STK17A: variants seen among roughly 807,000 people sequenced by gnomAD.
STK17A encodes serine/threonine kinase 17a, also known as serine/threonine-protein kinase 17A.
STK17A carries 26 observed loss-of-function variants against 43.7 expected under a neutral mutation model. That is an observed-to-expected ratio of 0.60 (90% CI 0.44 to 0.83). The LOEUF (loss-of-function observed/expected upper bound fraction) is 0.83, where lower values mean the gene tolerates loss of function less well. STK17A is among the 40% of genes least tolerant of loss of function. The probability of loss-of-function intolerance (pLI) is 0.00; values close to 1 mark genes in which losing one functional copy is unlikely to be tolerated. For missense variants in STK17A, 476 were observed against 511.6 expected (o/e 0.93, Z 0.67); for synonymous variants, 191 against 182.5 (o/e 1.05, Z -0.38).
intron 3 of STK17A, among the ~76,000 whole-genome samples, chr7:43,613,628 A>G (rs964212415): frequency 1.3e-5 from 2 of 152,112 alleles, no homozygotes; most frequent in Admixed American, 1.3e-4. Flanking sequence ...GGACCACATG[A>G]GCCCAGGAGT....
intron 1 of STK17A, among the ~76,000 whole-genome samples, chr7:43,594,686 G>A (rs2082502566): frequency 6.6e-6 from 1 of 152,106 alleles, no homozygotes; most frequent in African/African-American, 2.4e-5. Context: ...CAAGTACCAT[G>A]CTAAGCAATT....
intron 1 of STK17A, among the ~76,000 whole-genome samples, chr7:43,594,458 T>C (rs1251096863): frequency 1.3e-5 from 2 of 152,162 alleles, no homozygotes; most frequent in African/African-American, 4.8e-5. Flanking sequence ...GGTTTAGGCT[T>C]GTAATGAAGA....
intron 2 of STK17A, among the ~76,000 whole-genome samples, chr7:43,604,158 A>G (rs2082573834): frequency 1.3e-5 from 2 of 152,180 alleles, no homozygotes; most frequent in African/African-American, 2.4e-5. Flanking sequence ...TATTACTTAT[A>G]TGCTTTATTT....
chr7:43,619,216 T>G (rs573049751), intron 3 of STK17A, among the ~76,000 whole-genome samples: 3 of 152,310 alleles, frequency 2.0e-5, no homozygotes, highest in African/African-American at 7.2e-5. Context: ...CAGAAGAGAT[T>G]TAGTTGCACT....
In STK17A at chr7:43,619,594, T is replaced by C; in HGVS notation, c.565-3T>C. On this transcript the variant is annotated splice_polypyrimidine_tract_variant and splice_region_variant and intron_variant, in intron 3 of 6. Transcript: ENST00000319357. The stretch of plus-strand genomic sequence containing the variant: ...ATTTTTGCGGGGGTGTATTTTCTTT[T>C]AGCCTCAGAATATTCTGTTGACAAG... The C allele has an allele frequency of 6.2e-7, 1 of 1,612,208 alleles. No homozygotes were observed. The highest frequency in any genetic ancestry group is 1.1e-5 in the South Asian group (1 of 90,488).
rs1473598668 is a variant in STK17A, at chr7:43,625,328, T to G, written c.*486T>G. The G allele has an allele frequency of 1.3e-5, 2 of 152,558 alleles. No individual in the cohort carries two copies. Among genetic ancestry groups the G allele is most frequent in the African/African-American group, 2.4e-5 (1 of 41,466 alleles). The allele number at this position is 152,558 out of a possible 1,614,324, so 9.5% of individuals were successfully genotyped here. On this transcript the variant is annotated 3_prime_UTR_variant, in exon 7 of 7. Coordinates refer to ENST00000319357, the MANE Select transcript of STK17A (RefSeq NM_004760.3). ...AAACAGACATCTAAATTTTCGAGAC[T>G]TAGAATAACATTCACTAAAGTTTGA...
intron 3 of STK17A, among the ~76,000 whole-genome samples, chr7:43,617,245 A>G (rs2083440743): frequency 1.3e-5 from 2 of 152,178 alleles, no homozygotes; most frequent in Admixed American, 6.5e-5. Flanking sequence ...CCTAAGAGCA[A>G]TGGGAGGCTG....
At position 43,624,935 on chromosome 7, in the gene STK17A, G is replaced by A; in HGVS notation, c.*93G>A. On this transcript the variant is annotated 3_prime_UTR_variant, in exon 7 of 7. Transcript: ENST00000319357. The stretch of plus-strand genomic sequence containing the variant: ...GCCAAATGGTACATGTACTGGAAGT[G>A]GATAACCAGTATCACTTACACAAAC... 1 of 1,124,824 alleles carries A rather than the reference G, an allele frequency of 8.9e-7. No homozygotes were observed. Among genetic ancestry groups the A allele is most frequent in the Middle Eastern group, 3.0e-4 (1 of 3,304 alleles). The allele number at this position is 1,124,824 out of a possible 1,614,324, so 69.7% of individuals were successfully genotyped here. A position where few individuals can be genotyped will look rare whatever the true frequency, so the allele number is the denominator to read the frequency against.
chr7:43,619,120 T>TC (rs1432694692), intron 3 of STK17A, among the ~76,000 whole-genome samples: 1 of 152,204 alleles, frequency 6.6e-6, no homozygotes, highest in African/African-American at 2.4e-5. Flanking sequence ...TGCAAAATAG[T>TC]CCCTGAAAGA....
chr7:43,604,474 T>C (rs181677655), intron 2 of STK17A, among the ~76,000 whole-genome samples: 19 of 152,284 alleles, frequency 1.2e-4, no homozygotes, highest in African/African-American at 4.3e-4. Flanking sequence ...CTCCTTCTAG[T>C]CCTTTTCTAC....
At chr7:43,591,961 G>A (rs2082482660) in intron 1 of STK17A, among the ~76,000 whole-genome samples, 1 of 151,556 alleles carries the variant, frequency 6.6e-6, no homozygotes, top group South Asian at 2.1e-4. Context: ...TTGAATGTCA[G>A]GTGTGGCAAC....
intron 2 of STK17A, among the ~76,000 whole-genome samples, chr7:43,607,189 C>G (rs928790775): frequency 6.6e-6 from 1 of 151,834 alleles, no homozygotes; most frequent in African/African-American, 2.4e-5. Context: ...TCCCAAGGTG[C>G]TGGGATTACA....
intron 4 of STK17A, chr7:43,622,504 T>G (rs903426408): frequency 6.6e-6 from 1 of 152,170 alleles, no homozygotes; most frequent in Non-Finnish European, 1.5e-5. Context: ...GATTCAGTAC[T>G]TATTGACTGC....
intron 2 of STK17A, among the ~76,000 whole-genome samples, chr7:43,605,308 G>T (rs1398363416): frequency 6.6e-6 from 1 of 152,190 alleles, no homozygotes; most frequent in Non-Finnish European, 1.5e-5. Context: ...TGTTTTGGCA[G>T]TCATTTAAAT....
chr7:43,595,044 AC>A (rs1563144392), intron 1 of STK17A, among the ~76,000 whole-genome samples: 1 of 152,124 alleles, frequency 6.6e-6, no homozygotes, highest in Non-Finnish European at 1.5e-5. Context: ...TCCCTGGTTT[AC>A]CCACTTATTA....
intron 1 of STK17A, among the ~76,000 whole-genome samples, chr7:43,586,458 A>C (rs1008227513): frequency 2.6e-5 from 4 of 151,552 alleles, no homozygotes; most frequent in Admixed American, 6.6e-5. Flanking sequence ...TATATGATGT[A>C]AAACATTCTT....
chr7:43,587,774 C>G (rs939552846), intron 1 of STK17A, among the ~76,000 whole-genome samples: 5 of 151,466 alleles, frequency 3.3e-5, no homozygotes, highest in Non-Finnish European at 7.4e-5. Flanking sequence ...TATTTACAAA[C>G]AGTTTTGGGT....
intron 2 of STK17A, among the ~76,000 whole-genome samples, chr7:43,607,647 C>CAAGAA (rs2082617356): frequency 1.8e-5 from 1 of 54,358 alleles, no homozygotes; most frequent in Non-Finnish European, 3.5e-5. Context: ...GACTCCGTCT[C>CAAGAA]AAAAAAAAAA....
At chr7:43,588,246 T>C (rs2082456213) in intron 1 of STK17A, among the ~76,000 whole-genome samples, 1 of 151,574 alleles carries the variant, frequency 6.6e-6, no homozygotes, top group African/African-American at 2.4e-5. Context: ...GATCATTTGC[T>C]GAATGCTACA....
Sources: gnomAD v4.1 joint callset for allele counts (sites outside exome capture counted in the v4.1 genomes callset) on GRCh38, gnomAD v4.1.1 for gene constraint, MANE v1.5 for transcripts, NCBI Gene and HGNC (gene_info 2026-07-23, HGNC 2026-07-21) for gene names.